The following CSMD1 variants were observed in gnomAD, a reference collection of about 807,000 sequenced individuals.
The protein encoded by CSMD1 is CUB and Sushi multiple domains 1, also known as CUB and sushi domain-containing protein 1.
A neutral mutation model predicts 417.5 loss-of-function variants in CSMD1; 213 were observed. That is an observed-to-expected ratio of 0.51 (90% CI 0.46 to 0.57). The LOEUF (loss-of-function observed/expected upper bound fraction) is 0.57, where lower values mean the gene tolerates loss of function less well. Among genes scored for constraint, CSMD1 ranks in the 20% least tolerant of loss-of-function variants. The probability of loss-of-function intolerance (pLI) is 0.00; values close to 1 mark genes in which losing one functional copy is unlikely to be tolerated. For missense variants in CSMD1, 6,923 were observed against 4,529.7 expected, an observed-to-expected ratio of 1.53 and a Z score of -15.17; for synonymous variants, 2,862 against 1,736.8, an observed-to-expected ratio of 1.65 and a Z score of -16.11.
chr8:4,553,768 C>A lies in CSMD1; in HGVS notation c.302+83574G>T. Among the ~76,000 whole-genome samples the A allele has an allele frequency of 2.0e-5, 3 of 152,246 alleles. No individual in the cohort carries two copies. In the South Asian group the frequency reaches 6.2e-4, roughly 32 times the overall value. On this transcript the variant is annotated intron_variant, in intron 2 of 69. Coordinates refer to ENST00000635120, the MANE Select transcript of CSMD1 (RefSeq NM_033225.6). ...GAATATTTCTAACTGCTCAGAGTAACGTGTAATCGTCCTATGTCTGCCATG... is the reference window on the plus strand; with the variant it reads ...GAATATTTCTAACTGCTCAGAGTAAAGTGTAATCGTCCTATGTCTGCCATG...
At chr8:4,582,080 T>TG (rs1208132037) in intron 2 of CSMD1, among the ~76,000 whole-genome samples, 7 of 151,802 alleles carry the variant, frequency 4.6e-5, no homozygotes, top group South Asian at 2.1e-4. Flanking sequence ...TCTTTTTTTT[T>TG]TTTGGTTTGT....
intron 3 of CSMD1, among the ~76,000 whole-genome samples, chr8:4,100,385 C>G (rs1173377491): frequency 6.6e-6 from 1 of 152,150 alleles, no homozygotes; most frequent in Non-Finnish European, 1.5e-5. Flanking sequence ...CTCCTTCCAC[C>G]TTCCCTGTGT....
chr8:3,498,667 A>G (rs377337845), intron 10 of CSMD1, among the ~76,000 whole-genome samples: 1 of 152,154 alleles, frequency 6.6e-6, no homozygotes, highest in Non-Finnish European at 1.5e-5. Flanking sequence ...TGTTCCACAC[A>G]TTTTGTAGGC....
At chr8:4,302,967 G>C (rs1390056717) in intron 3 of CSMD1, among the ~76,000 whole-genome samples, 1 of 151,954 alleles carries the variant, frequency 6.6e-6, no homozygotes, top group African/African-American at 2.4e-5. Context: ...ACTGTGACCA[G>C]AAGTTCAGCC....
rs776304600 is a variant in CSMD1 at position 3,387,674 on chromosome 8, G to T, written c.2602C>A (p.Leu868Ile). Residue 868 changes from leucine (L) to isoleucine (I), a missense_variant, in exon 18 of 70, where the codon CTT becomes ATT. Transcript: ENST00000635120. ...GGGTCCAGGCAGGAATCCGACTCAA[G>T]CGTCACACCTGGATGCACAGAACGA... ...GFLIHYESVT[L>I]ESDSCLDPGI... The T allele has an allele frequency of 4.4e-6, 7 of 1,595,032 alleles. No individual in the cohort carries two copies. Among genetic ancestry groups the T allele is most frequent in the Non-Finnish European group, 5.1e-6 (6 of 1,170,510 alleles).
chr8:4,411,371 A>C (rs1244897438), intron 3 of CSMD1, among the ~76,000 whole-genome samples: 1 of 152,170 alleles, frequency 6.6e-6, no homozygotes, highest in East Asian at 1.9e-4. Context: ...ACATTAAAAA[A>C]AAATCAGCCA....
At chr8:3,889,727 A>C (rs1361666126) in intron 5 of CSMD1, among the ~76,000 whole-genome samples, 2 of 151,884 alleles carry the variant, frequency 1.3e-5, no homozygotes, top group East Asian at 3.9e-4. Flanking sequence ...GGATTTTGTG[A>C]AACAGACTTA....
At chr8:4,222,267 T>A (rs1801075295) in intron 3 of CSMD1, among the ~76,000 whole-genome samples, 1 of 152,170 alleles carries the variant, frequency 6.6e-6, no homozygotes, top group Admixed American at 6.5e-5. Context: ...TTTTCCCAGT[T>A]ATGATTTTCC....
chr8:3,031,403 ATG>A (rs1301269418), intron 50 of CSMD1, among the ~76,000 whole-genome samples: 4 of 152,058 alleles, frequency 2.6e-5, no homozygotes, highest in African/African-American at 9.7e-5. Flanking sequence ...AGCATGGCAC[ATG>A]TATACATGTG....
intron 7 of CSMD1, among the ~76,000 whole-genome samples, chr8:3,667,698 G>C (rs988859690): frequency 1.3e-5 from 2 of 152,184 alleles, no homozygotes; most frequent in East Asian, 1.9e-4. Context: ...TGACTGAATT[G>C]AGCTGTTAGA....
At chr8:4,848,140 A>C (rs1801252224) in intron 1 of CSMD1, among the ~76,000 whole-genome samples, 2 of 152,216 alleles carry the variant, frequency 1.3e-5, no homozygotes, top group Admixed American at 1.3e-4. Context: ...ATGCTGCAGC[A>C]TGTATTAGTA....
At chr8:4,732,511 CTT>C (rs934431204) in intron 1 of CSMD1, among the ~76,000 whole-genome samples, 17 of 152,058 alleles carry the variant, frequency 1.1e-4, no homozygotes, top group African/African-American at 4.1e-4. Flanking sequence ...TTTCGAGTAA[CTT>C]TGCCAAATTC....
At chr8:4,402,178 T>G (rs1804689789) in intron 3 of CSMD1, among the ~76,000 whole-genome samples, 1 of 152,142 alleles carries the variant, frequency 6.6e-6, no homozygotes, top group Non-Finnish European at 1.5e-5. Flanking sequence ...CCACATCTAC[T>G]TCTCCAAAAT....
At chr8:3,090,974 G>C (rs1191914260) in intron 48 of CSMD1, among the ~76,000 whole-genome samples, 2 of 151,964 alleles carry the variant, frequency 1.3e-5, no homozygotes, top group African/African-American at 4.8e-5. Context: ...AATGATTACA[G>C]TATATAAAGG....
intron 6 of CSMD1, among the ~76,000 whole-genome samples, chr8:3,711,428 C>T (rs920957317): frequency 1.3e-5 from 2 of 152,152 alleles, no homozygotes; most frequent in Non-Finnish European, 2.9e-5. Flanking sequence ...AGTCACCTAT[C>T]CCAGGCTCAC....
chr8:3,984,848 A>G lies in CSMD1; in HGVS notation c.818+13055T>C, dbSNP rs558769619. Among the ~76,000 whole-genome samples the G allele has an allele frequency of 7.3e-5, 11 of 150,866 alleles. No homozygotes were observed. In the South Asian group the frequency reaches 1.9e-3, roughly 26 times the overall value. Reference sequence around the variant, plus strand: ...GAATGGAAGAGAAAAAGGAGCAAGAAGAAAGCCAGAAATGAAGAGAAAGTT... The same window carrying G: ...GAATGGAAGAGAAAAAGGAGCAAGAGGAAAGCCAGAAATGAAGAGAAAGTT... On this transcript the variant is annotated intron_variant, in intron 5 of 69. Coordinates refer to ENST00000635120, the MANE Select transcript of CSMD1 (RefSeq NM_033225.6).
At chr8:4,113,642 G>A (rs892039940) in intron 3 of CSMD1, among the ~76,000 whole-genome samples, 4 of 152,000 alleles carry the variant, frequency 2.6e-5, no homozygotes, top group Admixed American at 2.0e-4. Flanking sequence ...CTGACCTCCT[G>A]ATCCACCCGC....
chr8:4,027,601 G>A (rs981510775), intron 4 of CSMD1, among the ~76,000 whole-genome samples: 3 of 152,144 alleles, frequency 2.0e-5, no homozygotes, highest in Non-Finnish European at 4.4e-5. Context: ...CAGCCATGCA[G>A]AACTGTGAGT....
intron 12 of CSMD1, among the ~76,000 whole-genome samples, chr8:3,420,088 T>C (rs1813393115): frequency 6.6e-6 from 1 of 152,168 alleles, no homozygotes; most frequent in Non-Finnish European, 1.5e-5. Flanking sequence ...ATTATTAACA[T>C]CATCATTGAT....
Sources: allele counts gnomAD v4.1 joint callset (sites outside exome capture counted in the v4.1 genomes callset), GRCh38; gene constraint gnomAD v4.1.1; transcripts MANE v1.5; gene names NCBI Gene and HGNC (gene_info 2026-07-23, HGNC 2026-07-21).